The following PLEKHM3 variants were observed in gnomAD, a reference collection of about 807,000 sequenced individuals.
The protein encoded by PLEKHM3 is pleckstrin homology domain-containing family M member 3.
Under a neutral mutation model 81.8 loss-of-function variants are expected in PLEKHM3, and 45 were observed. The ratio of observed to expected loss-of-function variants is 0.55; its 90% CI spans 0.43 to 0.71. The LOEUF is 0.71. Among genes scored for constraint, PLEKHM3 ranks in the 30% least tolerant of loss-of-function variants. The pLI is 0.00. For synonymous variants in PLEKHM3, 352 were observed against 356.4 expected (o/e 0.99, Z 0.14); for missense variants, 788 against 924.3 (o/e 0.85, Z 1.91).
intron 2 of PLEKHM3, among the ~76,000 whole-genome samples, chr2:207,979,416 C>T (rs926566698): frequency 1.1e-4 from 17 of 152,182 alleles, no homozygotes; most frequent in African/African-American, 4.1e-4. Flanking sequence ...CGCCTGTAAT[C>T]CCAGCTACTT....
At chr2:207,846,373 C>T (rs940979240) in intron 7 of PLEKHM3, among the ~76,000 whole-genome samples, 15 of 152,096 alleles carry the variant, frequency 9.9e-5, no homozygotes, top group Admixed American at 8.5e-4. Context: ...AACTCCTGAC[C>T]TCATGATCCA....
intron 6 of PLEKHM3, among the ~76,000 whole-genome samples, chr2:207,864,207 T>G (rs767749513): frequency 6.6e-6 from 1 of 152,224 alleles, no homozygotes; most frequent in African/African-American, 2.4e-5. Flanking sequence ...CAACTTACTT[T>G]TCTCTCCATT....
chr2:207,985,071 G>A (rs1032282374), intron 2 of PLEKHM3, among the ~76,000 whole-genome samples: 1 of 151,768 alleles, frequency 6.6e-6, no homozygotes, highest in Admixed American at 6.6e-5. Flanking sequence ...GAGTATATTA[G>A]CCTGACCCCT....
At chr2:207,969,455 C>T (rs1224130357) in intron 3 of PLEKHM3, among the ~76,000 whole-genome samples, 1 of 152,202 alleles carries the variant, frequency 6.6e-6, no homozygotes, top group African/African-American at 2.4e-5. Context: ...GTAAAGGTAT[C>T]CTTTATGTCT....
In PLEKHM3 at chr2:207,828,322, G is replaced by C; in HGVS notation, c.2283C>G (p.Thr761=). Residue 761 remains threonine (T), a synonymous_variant, in exon 8 of 8, where the codon ACC becomes ACG. Transcript: ENST00000427836. ...CTGGCCTTCGGGTCGGCTGGAGTCAGGTGTTCTGGTAGGACAGCTCGAACA... is the reference window on the plus strand; with the variant it reads ...CTGGCCTTCGGGTCGGCTGGAGTCACGTGTTCTGGTAGGACAGCTCGAACA... ...CTMFELSYQN[T] is the part of the protein sequence containing the mutation. 1.2e-6 allele frequency: 2 copies of C among 1,607,374 alleles called. No individual in the cohort carries two copies. The highest frequency in any genetic ancestry group is 2.2e-5 in the South Asian group (2 of 90,362).
At chr2:207,874,163 T>C (rs1210568765) in intron 6 of PLEKHM3, among the ~76,000 whole-genome samples, 1 of 152,152 alleles carries the variant, frequency 6.6e-6, no homozygotes, top group Non-Finnish European at 1.5e-5. Flanking sequence ...TTCAAATACA[T>C]GGGAATTTGC....
At chr2:207,919,827 A>G (rs1213007132) in intron 5 of PLEKHM3, among the ~76,000 whole-genome samples, 5 of 152,160 alleles carry the variant, frequency 3.3e-5, no homozygotes, top group African/African-American at 1.2e-4. Flanking sequence ...TTCTGGCATA[A>G]CAAGGGAAGG....
chr2:207,937,665 TA>T (rs1214405470), intron 4 of PLEKHM3, among the ~76,000 whole-genome samples: 2 of 151,958 alleles, frequency 1.3e-5, no homozygotes, highest in African/African-American at 4.8e-5. Context: ...TATAAAATTA[TA>T]AAAGTAATAT....
intron 6 of PLEKHM3, among the ~76,000 whole-genome samples, 198 bp downstream of exon 6, chr2:207,908,316 C>T (rs1174415815): frequency 1.3e-5 from 2 of 152,240 alleles, no homozygotes; most frequent in Non-Finnish European, 2.9e-5. Context: ...GCCCCAGTTT[C>T]TCTGCATCCT....
In PLEKHM3 at chr2:207,930,907, T is replaced by C. The variant is rs373275129; in HGVS notation, c.1886+19A>G. The C allele has an allele frequency of 2.1e-5, 33 of 1,606,690 alleles. No homozygotes were observed. Among genetic ancestry groups the C allele is most frequent in the Non-Finnish European group, 2.7e-5 (32 of 1,174,816 alleles). Reference sequence around the variant, plus strand: ...GAAAGAAAAACAAACGGGAGCCGTCTGAGATTTATGACTCTTACCTGCGGC... The same window carrying C: ...GAAAGAAAAACAAACGGGAGCCGTCCGAGATTTATGACTCTTACCTGCGGC... On this transcript the variant is annotated intron_variant, in intron 5 of 7. Coordinates refer to ENST00000427836, the MANE Select transcript of PLEKHM3 (RefSeq NM_001080475.3).
intron 6 of PLEKHM3, among the ~76,000 whole-genome samples, chr2:207,861,962 G>A (rs1436494657): frequency 2.0e-5 from 3 of 152,092 alleles, no homozygotes; most frequent in Non-Finnish European, 4.4e-5. Context: ...TCCTGGCCAC[G>A]CGAGGGGGCT....
At chr2:207,884,860 A>G (rs1364209615) in intron 6 of PLEKHM3, among the ~76,000 whole-genome samples, 3 of 152,250 alleles carry the variant, frequency 2.0e-5, no homozygotes, top group African/African-American at 7.2e-5. Flanking sequence ...GGAACAGATG[A>G]TATTAGTCTG....
At chr2:207,831,522 T>G (rs1030628505) in intron 7 of PLEKHM3, among the ~76,000 whole-genome samples, 3 of 152,248 alleles carry the variant, frequency 2.0e-5, no homozygotes, top group African/African-American at 4.8e-5. Flanking sequence ...CTTGGTGCTT[T>G]GGTTTTCTCA....
At chr2:207,954,119 C>T (rs922929579) in intron 3 of PLEKHM3, among the ~76,000 whole-genome samples, 3 of 152,022 alleles carry the variant, frequency 2.0e-5, no homozygotes, top group Non-Finnish European at 4.4e-5. Context: ...GCCAGGAGTT[C>T]GAGGTTATAG....
rs755187342 is a variant in PLEKHM3 at position 208,001,411 on chromosome 2, T to C, written c.229A>G (p.Lys77Glu). ...GKGGMIWDHC[K>E]SRLLETKAQN... ...GCTTTGGTTTCTAAGAGCCTGCTCTTACAGTGGTCCCAAATCATGCCCCCC... is the reference window on the plus strand; with the variant it reads ...GCTTTGGTTTCTAAGAGCCTGCTCTCACAGTGGTCCCAAATCATGCCCCCC... The change falls in exon 2 of 8, where the codon AAG (lysine) becomes GAG (glutamate). Residue 77 changes from lysine to glutamate, a missense_variant. Physicochemically the swap from Lys to Glu is moderately conservative, Grantham distance 56. Transcript: ENST00000427836. The C allele has an allele frequency of 6.2e-6, 10 of 1,614,084 alleles. No homozygotes were observed. The Admixed American group carries it at 1.7e-4, about 27-fold the overall frequency.
At chr2:207,912,026 G>A (rs1054261058) in intron 5 of PLEKHM3, among the ~76,000 whole-genome samples, 5 of 152,174 alleles carry the variant, frequency 3.3e-5, no homozygotes, top group African/African-American at 1.2e-4. Flanking sequence ...ACTATAACCA[G>A]TCAGTTATCA....
At chr2:207,962,882 A>G (rs1239176192) in intron 3 of PLEKHM3, among the ~76,000 whole-genome samples, 3 of 150,948 alleles carry the variant, frequency 2.0e-5, no homozygotes, top group Non-Finnish European at 2.9e-5. Context: ...TTTCTCTCAC[A>G]TTAGTAGAAT....
At position 207,943,782 on chromosome 2, in the gene PLEKHM3, G is replaced by A. The variant is rs1032076756; in HGVS notation, c.1692+2585C>T. On this transcript the variant is annotated intron_variant, in intron 4 of 7. Transcript: ENST00000427836. ...ACTTGGGAGGCTGAGGCAGGAGAAT[G>A]GCGTGAACCCGGGAGGCGCAGCTTG... 3.4e-5 allele frequency among the ~76,000 whole-genome samples: 5 copies of A among 147,864 alleles called. No individual in the cohort carries two copies. The Admixed American group carries it at 3.4e-4, about 10-fold the overall frequency.
chr2:207,935,171 C>T (rs1219282787), intron 4 of PLEKHM3, among the ~76,000 whole-genome samples: 1 of 152,158 alleles, frequency 6.6e-6, no homozygotes, highest in African/African-American at 2.4e-5. Flanking sequence ...CAAAAAAAGA[C>T]GTTTTAAGGT....
Sources: gnomAD v4.1 joint callset for allele counts (sites outside exome capture counted in the v4.1 genomes callset) on GRCh38, gnomAD v4.1.1 for gene constraint, MANE v1.5 for transcripts, NCBI Gene and HGNC (gene_info 2026-07-23, HGNC 2026-07-21) for gene names.